FGGY: variants seen among roughly 807,000 people sequenced by gnomAD.
FGGY encodes the protein FGGY carbohydrate kinase domain-containing protein.
A neutral mutation model predicts 71.3 loss-of-function variants in FGGY; 72 were observed. The observed-to-expected ratio is 1.01, with a 90% CI of 0.84 to 1.23. FGGY has a LOEUF of 1.23. Among genes scored for constraint, FGGY ranks in the 50% most tolerant of loss-of-function variants. The probability of loss-of-function intolerance (pLI) is 0.00; values close to 1 mark genes in which losing one functional copy is unlikely to be tolerated. For synonymous variants in FGGY, 251 were observed against 250.3 expected (o/e 1.00, Z -0.02); for missense variants, 668 against 682.3 (o/e 0.98, Z 0.23).
intron 2 of FGGY, among the ~76,000 whole-genome samples, chr1:59,329,898 C>T (rs2048141214): frequency 6.6e-6 from 1 of 152,200 alleles, no homozygotes; most frequent in South Asian, 2.1e-4. Flanking sequence ...TACTGAACAG[C>T]ACAGATATAG....
At chr1:59,590,272 G>C (rs2096404164) in intron 8 of FGGY, among the ~76,000 whole-genome samples, 1 of 152,136 alleles carries the variant, frequency 6.6e-6, no homozygotes, top group Admixed American at 6.5e-5. Flanking sequence ...ACAATAACAG[G>C]ATCTGAAATT....
At chr1:59,372,587 C>T (rs1273160211) in intron 4 of FGGY, among the ~76,000 whole-genome samples, 2 of 152,130 alleles carry the variant, frequency 1.3e-5, no homozygotes, top group Non-Finnish European at 2.9e-5. Context: ...GATACCAAAG[C>T]CTGGCAGAGA....
chr1:59,632,950 T>C (rs966231523), intron 10 of FGGY, among the ~76,000 whole-genome samples: 13 of 152,156 alleles, frequency 8.5e-5, no homozygotes, highest in South Asian at 4.1e-4. Context: ...TTGATGGCTC[T>C]GAGTTCAGAA....
chr1:59,448,991 G>C (rs1229637692), intron 5 of FGGY, among the ~76,000 whole-genome samples: 2 of 152,060 alleles, frequency 1.3e-5, no homozygotes, highest in Non-Finnish European at 2.9e-5. Flanking sequence ...CTATAAAACA[G>C]GGGCAGCTTT....
At chr1:59,729,750 G>T (rs1024155079) in intron 14 of FGGY, among the ~76,000 whole-genome samples, 2 of 152,074 alleles carry the variant, frequency 1.3e-5, no homozygotes, top group Non-Finnish European at 2.9e-5. Context: ...GATTATATCT[G>T]TCTTTTAGTG....
intron 9 of FGGY, among the ~76,000 whole-genome samples, chr1:59,624,164 T>C (rs1242291254): frequency 6.6e-6 from 1 of 152,034 alleles, no homozygotes; most frequent in Non-Finnish European, 1.5e-5. Flanking sequence ...GTCTTTGATA[T>C]CATTTTGAAA....
In FGGY at chr1:59,537,797, G is replaced by T. The variant is rs546586741; in HGVS notation, c.800-16327G>T. 4.3e-3 allele frequency among the ~76,000 whole-genome samples: 651 copies of T among 152,118 alleles called. 6 individuals are homozygous for T. Among genetic ancestry groups the T allele is most frequent in the African/African-American group, 0.015 (609 of 41,494 alleles). On this transcript the variant is annotated intron_variant, in intron 7 of 15. Transcript: ENST00000303721. ...GCTGGGAAAACTGGCTAGCCATATG[G>T]AGAAAGCTGAAACTAGATTCCTTCC...
intron 14 of FGGY, among the ~76,000 whole-genome samples, chr1:59,719,417 A>G (rs765850372): frequency 1.3e-5 from 2 of 152,154 alleles, no homozygotes; most frequent in Non-Finnish European, 2.9e-5. Flanking sequence ...TCGGTTTCTC[A>G]TTTGTAAAAT....
intron 14 of FGGY, among the ~76,000 whole-genome samples, chr1:59,735,862 C>T (rs146323851): frequency 5.4e-4 from 82 of 151,914 alleles, no homozygotes; most frequent in African/African-American, 1.9e-3. Flanking sequence ...GATTTTTTTC[C>T]CCCAAATATG....
chr1:59,344,243 G>GCC (rs1351343581), intron 3 of FGGY, among the ~76,000 whole-genome samples: 1 of 151,830 alleles, frequency 6.6e-6, no homozygotes, highest in Non-Finnish European at 1.5e-5. Flanking sequence ...AGGCAACTGA[G>GCC]CCCCTGCCTT....
intron 8 of FGGY, among the ~76,000 whole-genome samples, chr1:59,571,679 GCTACA>G (rs1266547959): frequency 6.6e-6 from 1 of 152,074 alleles, no homozygotes; most frequent in Non-Finnish European, 1.5e-5. Flanking sequence ...TTTTATAATA[GCTACA>G]AATTTGAATC....
chr1:59,481,843 C>T (rs61786964), intron 6 of FGGY, among the ~76,000 whole-genome samples: 7,447 of 152,158 alleles, frequency 0.049, 303 homozygotes, highest in Admixed American at 0.13. Flanking sequence ...TTTATCTTAC[C>T]CCAGTGTATA....
chr1:59,466,505 G>C (rs2092637529), intron 6 of FGGY, among the ~76,000 whole-genome samples: 1 of 152,178 alleles, frequency 6.6e-6, no homozygotes, highest in African/African-American at 2.4e-5. Context: ...ATTGACAAAT[G>C]GGATCTCATT....
chr1:59,358,115 C>T (rs915311698), intron 4 of FGGY, among the ~76,000 whole-genome samples: 11 of 152,130 alleles, frequency 7.2e-5, no homozygotes, highest in African/African-American at 2.4e-4. Flanking sequence ...TAACTCATAG[C>T]GTGTAAACTG....
At chr1:59,674,003 T>G in intron 13 of FGGY, 36 bp from the exon 14 acceptor site, 1 of 1,595,236 alleles carries the variant, frequency 6.3e-7, no homozygotes, top group Non-Finnish European at 8.6e-7. Flanking sequence ...CCCCTGGCTC[T>G]GCTCCCTAAC....
At chr1:59,334,011 T>A (rs2048984620) in intron 2 of FGGY, among the ~76,000 whole-genome samples, 1 of 152,192 alleles carries the variant, frequency 6.6e-6, no homozygotes, top group Admixed American at 6.5e-5. Flanking sequence ...CAGTATGGTA[T>A]AATGGAAAGA....
At chr1:59,350,237 G>A (rs1224820238) in intron 4 of FGGY, among the ~76,000 whole-genome samples, 1 of 152,122 alleles carries the variant, frequency 6.6e-6, no homozygotes, top group African/African-American at 2.4e-5. Flanking sequence ...AGGCACTGGG[G>A]AACTGGGGAC....
rs543866803 is a variant in FGGY, at chr1:59,577,048, C to G, written c.903+22821C>G. Among the ~76,000 whole-genome samples, 5 of 152,270 alleles carry G rather than the reference C, an allele frequency of 3.3e-5. No homozygotes were observed. In the South Asian group the frequency reaches 8.3e-4, roughly 25 times the overall value. Reference sequence around the variant, plus strand: ...GTTTCATTCTCAAAGCTAGCAAATTCTTTTTAAGCATGAGCCAAAAATATC... The same window carrying G: ...GTTTCATTCTCAAAGCTAGCAAATTGTTTTTAAGCATGAGCCAAAAATATC... On this transcript the variant is annotated intron_variant, in intron 8 of 15. Transcript: ENST00000303721.
intron 6 of FGGY, among the ~76,000 whole-genome samples, chr1:59,459,281 G>A (rs2091978185): frequency 6.6e-6 from 1 of 152,158 alleles, no homozygotes. Context: ...TCAAGGACAG[G>A]AGAAAAAATT....
Sources: allele counts gnomAD v4.1 joint callset (sites outside exome capture counted in the v4.1 genomes callset), GRCh38; gene constraint gnomAD v4.1.1; transcripts MANE v1.5; gene names NCBI Gene and HGNC (gene_info 2026-07-23, HGNC 2026-07-21).